EYS: variants seen among roughly 807,000 people sequenced by gnomAD.
The protein encoded by EYS is EGF-like photoreceptor maintenance factor.
EYS carries 250 observed loss-of-function variants against 282.1 expected under a neutral mutation model. The observed-to-expected ratio is 0.89, with a 90% confidence interval of 0.80 to 0.98. The LOEUF (loss-of-function observed/expected upper bound fraction) is 0.98. Ranked by LOEUF, EYS falls within the 50% of genes least tolerant of loss-of-function variation. EYS has a pLI of 0.00. For synonymous variants in EYS, 1,355 were observed against 1,282.9 expected, an observed-to-expected ratio of 1.06 and a Z score of -1.20; for missense variants, 4,016 against 3,709.0, an observed-to-expected ratio of 1.08 and a Z score of -2.15.
At chr6:65,364,546 TAA>T (rs1450914047) in intron 8 of EYS, among the ~76,000 whole-genome samples, 2 of 148,218 alleles carry the variant, frequency 1.3e-5, no homozygotes, top group Admixed American at 7.0e-5. Context: ...TTAAAAATAT[TAA>T]GACTTCTTAT....
intron 22 of EYS, among the ~76,000 whole-genome samples, chr6:64,648,542 G>A (rs1336314491): frequency 6.6e-6 from 1 of 152,086 alleles, no homozygotes; most frequent in Non-Finnish European, 1.5e-5. Flanking sequence ...AACGGCTTAA[G>A]GGCACTTAAA....
chr6:65,237,528 A>G (rs1766958311), intron 12 of EYS, among the ~76,000 whole-genome samples: 1 of 152,140 alleles, frequency 6.6e-6, no homozygotes, highest in South Asian at 2.1e-4. Context: ...AACTGAAAAT[A>G]AAGAAATACT....
chr6:65,549,736 C>T (rs2127331016), intron 2 of EYS, among the ~76,000 whole-genome samples: 1 of 152,270 alleles, frequency 6.6e-6, no homozygotes, highest in East Asian at 1.9e-4. Context: ...AATGCCTCAG[C>T]TCATATGTTT....
intron 22 of EYS, among the ~76,000 whole-genome samples, chr6:64,711,751 C>T (rs994334086): frequency 1.3e-5 from 2 of 152,142 alleles, no homozygotes; most frequent in Non-Finnish European, 2.9e-5. Context: ...TATGCTATTC[C>T]TCAGAACCTT....
chr6:64,833,479 A>T (rs960444992), intron 19 of EYS, among the ~76,000 whole-genome samples: 2 of 151,872 alleles, frequency 1.3e-5, no homozygotes, highest in Non-Finnish European at 2.9e-5. Context: ...AGCAGCCCCA[A>T]CATTTCTTCT....
chr6:63,994,750 GTTTTC>G (rs941880442), intron 34 of EYS, among the ~76,000 whole-genome samples: 52 of 151,924 alleles, frequency 3.4e-4, no homozygotes, highest in Admixed American at 7.2e-4. Context: ...TCAATAATAT[GTTTTC>G]TTTTGTTTCT....
At chr6:64,656,842 G>A (rs1768766790) in intron 22 of EYS, among the ~76,000 whole-genome samples, 1 of 152,176 alleles carries the variant, frequency 6.6e-6, no homozygotes, top group Non-Finnish European at 1.5e-5. Flanking sequence ...TACACAGTTT[G>A]CTGGAAATTG....
chr6:64,119,692 G>T (rs72876839), intron 31 of EYS, among the ~76,000 whole-genome samples: 3,207 of 152,300 alleles, frequency 0.021, 67 homozygotes, highest in Non-Finnish European at 0.032. Context: ...TATAGACAGA[G>T]ATTTTAATTC....
intron 26 of EYS, among the ~76,000 whole-genome samples, chr6:64,503,826 G>A (rs1169106757): frequency 6.6e-6 from 1 of 152,150 alleles, no homozygotes; most frequent in Non-Finnish European, 1.5e-5. Flanking sequence ...GGGCCTGGTG[G>A]GAGGTAATTG....
rs775316446 is a variant in EYS, at chr6:63,721,260, T to C, written c.8771A>G (p.Gln2924Arg). 4.5e-6 allele frequency: 7 copies of C among 1,551,874 alleles called. 1 individual carries two copies. The South Asian group carries it at 4.8e-5, about 11-fold the overall frequency. ...VSCLNNLCLH[Q>R]SLCIPDQSFS... The stretch of plus-strand genomic sequence containing the variant: ...TGATTGGTCAGGTATACATAAAGAT[T>C]GGTGGAGGCAAAGATTATTCAAACA... Residue 2924 changes from glutamine (Q) to arginine (R), a missense_variant, in exon 43 of 43, where the codon CAA becomes CGA. By Grantham distance (43) the Gln-to-Arg change is conservative. Coordinates refer to ENST00000503581, the MANE Select transcript of EYS (RefSeq NM_001142800.2).
chr6:64,086,052 CA>C (rs1188850427), intron 31 of EYS, among the ~76,000 whole-genome samples: 1 of 152,184 alleles, frequency 6.6e-6, no homozygotes, highest in Non-Finnish European at 1.5e-5. Flanking sequence ...ACTGTTTCTT[CA>C]ACCACTTTAT....
chr6:63,817,699 A>G (rs936125139), intron 36 of EYS, among the ~76,000 whole-genome samples: 1 of 152,236 alleles, frequency 6.6e-6, no homozygotes, highest in Non-Finnish European at 1.5e-5. Flanking sequence ...TCATAAGGCC[A>G]CTTCTCATAT....
chr6:65,205,897 C>A (rs1274297903), intron 12 of EYS, among the ~76,000 whole-genome samples: 1 of 151,738 alleles, frequency 6.6e-6, no homozygotes. Context: ...GCTGTGATAA[C>A]ACTAAAGCTA....
chr6:64,144,446 T>C (rs1032286249), intron 31 of EYS, among the ~76,000 whole-genome samples: 4 of 152,270 alleles, frequency 2.6e-5, no homozygotes, highest in African/African-American at 9.6e-5. Context: ...GGTCCTGTTT[T>C]ATGCACTATA....
chr6:64,499,172 T>A (rs1198178769), intron 26 of EYS, among the ~76,000 whole-genome samples: 1 of 152,194 alleles, frequency 6.6e-6, no homozygotes, highest in Non-Finnish European at 1.5e-5. Context: ...CGTGAGATGG[T>A]ATCTCATTAT....
At chr6:65,296,641 A>C (rs1180867306) in intron 11 of EYS, among the ~76,000 whole-genome samples, 1 of 151,846 alleles carries the variant, frequency 6.6e-6, no homozygotes, top group Non-Finnish European at 1.5e-5. Flanking sequence ...CTTTAAATCT[A>C]TAATATTTTG....
intron 19 of EYS, among the ~76,000 whole-genome samples, chr6:64,831,193 T>C (rs1176112656): frequency 1.3e-5 from 2 of 152,002 alleles, no homozygotes; most frequent in Non-Finnish European, 2.9e-5. Context: ...ATGAAAAAGT[T>C]TCCTGGAAAT....
chr6:64,135,785 C>CA (rs987660934), intron 31 of EYS, among the ~76,000 whole-genome samples: 1 of 151,898 alleles, frequency 6.6e-6, no homozygotes, highest in Admixed American at 6.6e-5. Flanking sequence ...ATTTCATTGC[C>CA]AAAAAATGCT....
intron 12 of EYS, among the ~76,000 whole-genome samples, chr6:65,292,195 A>C (rs190179768): frequency 1.8e-4 from 28 of 151,878 alleles, no homozygotes; most frequent in African/African-American, 6.0e-4. Flanking sequence ...ATAAATTACA[A>C]AAGAAAATAT....
Sources: gnomAD v4.1 joint callset for allele counts (sites outside exome capture counted in the v4.1 genomes callset) on GRCh38, gnomAD v4.1.1 for gene constraint, MANE v1.5 for transcripts, NCBI Gene and HGNC (gene_info 2026-07-23, HGNC 2026-07-21) for gene names.